Variants in PTPRG observed in about 807,000 individuals in gnomAD.
PTPRG encodes the protein receptor-type tyrosine-protein phosphatase gamma.
In PTPRG, 102 loss-of-function variants were observed where a neutral mutation model predicts 165.3. The observed-to-expected ratio is 0.62, with a 90% confidence interval of 0.53 to 0.73. The LOEUF (loss-of-function observed/expected upper bound fraction) is 0.73. Among genes scored for constraint, PTPRG ranks in the 30% least tolerant of loss-of-function variants. PTPRG has a pLI of 0.00. For missense variants in PTPRG, 1,866 were observed against 1,861.4 expected (o/e 1.00, Z -0.05); for synonymous variants, 675 against 669.5 (o/e 1.01, Z -0.13).
intron 1 of PTPRG, among the ~76,000 whole-genome samples, chr3:61,645,831 T>A (rs1249570260): frequency 6.6e-6 from 1 of 152,210 alleles, no homozygotes; most frequent in African/African-American, 2.4e-5. Flanking sequence ...TGACTGTAGT[T>A]TGCCAATACC....
chr3:62,169,098 T>A (rs1254798085), intron 8 of PTPRG, among the ~76,000 whole-genome samples: 2 of 152,162 alleles, frequency 1.3e-5, no homozygotes. Context: ...GCCTGGGGTC[T>A]GGGGTTTATA....
At chr3:62,218,226 C>T (rs142960617) in intron 12 of PTPRG, among the ~76,000 whole-genome samples, 165 of 152,208 alleles carry the variant, frequency 1.1e-3, no homozygotes, top group African/African-American at 3.8e-3. Context: ...AGTGCTAAAT[C>T]GTTGACCAGA....
intron 6 of PTPRG, among the ~76,000 whole-genome samples, chr3:62,137,353 T>G (rs1278161613): frequency 6.6e-6 from 1 of 152,160 alleles, no homozygotes; most frequent in Non-Finnish European, 1.5e-5. Flanking sequence ...AAATCCTGTT[T>G]GTGAATCGGT....
intron 2 of PTPRG, among the ~76,000 whole-genome samples, chr3:61,916,033 A>G (rs1185098428): frequency 6.6e-6 from 1 of 152,230 alleles, no homozygotes; most frequent in Non-Finnish European, 1.5e-5. Flanking sequence ...TCTTATGCAT[A>G]AAAATATACA....
intron 2 of PTPRG, among the ~76,000 whole-genome samples, chr3:61,980,829 C>T (rs781737610): frequency 6.6e-6 from 1 of 152,182 alleles, no homozygotes; most frequent in African/African-American, 2.4e-5. Flanking sequence ...TGGCCTTCAG[C>T]TGCTTCCCTC....
chr3:61,641,097 G>C (rs748664230), intron 1 of PTPRG, among the ~76,000 whole-genome samples: 2 of 152,150 alleles, frequency 1.3e-5, no homozygotes, highest in Non-Finnish European at 2.9e-5. Context: ...TCTGAAGCTT[G>C]ACTCTTTGAT....
chr3:62,288,260 GAATTAAAAGCA>G (rs1702747130), intron 28 of PTPRG, among the ~76,000 whole-genome samples: 1 of 151,648 alleles, frequency 6.6e-6, no homozygotes. Context: ...AAAGTACAAG[GAATTAAAAGCA>G]AATAGAAGGC....
At chr3:62,014,569 C>T (rs1398144219) in intron 4 of PTPRG, among the ~76,000 whole-genome samples, 1 of 152,184 alleles carries the variant, frequency 6.6e-6, no homozygotes, top group Admixed American at 6.5e-5. Flanking sequence ...CTGTTCATTT[C>T]TAAAATTCAG....
intron 4 of PTPRG, among the ~76,000 whole-genome samples, chr3:62,075,020 C>A (rs1168359034): frequency 6.6e-6 from 1 of 152,138 alleles, no homozygotes; most frequent in Non-Finnish European, 1.5e-5. Flanking sequence ...ATTTGTTAGG[C>A]TACAACTTGA....
intron 2 of PTPRG, among the ~76,000 whole-genome samples, chr3:61,963,757 A>C (rs986076564): frequency 6.6e-6 from 1 of 152,306 alleles, no homozygotes; most frequent in African/African-American, 2.4e-5. Flanking sequence ...AAATGAACAT[A>C]TTCATGACAA....
intron 1 of PTPRG, among the ~76,000 whole-genome samples, chr3:61,699,019 G>C (rs182118120): frequency 8.0e-4 from 121 of 152,084 alleles, no homozygotes; most frequent in African/African-American, 2.7e-3. Flanking sequence ...AGGGACTGCT[G>C]TGGGGTGGGG....
At chr3:62,272,889 C>T in intron 21 of PTPRG, 57 bp from the exon 22 acceptor site, 1 of 1,443,528 alleles carries the variant, frequency 6.9e-7, no homozygotes, top group South Asian at 1.6e-5. Flanking sequence ...TTTTCGAATC[C>T]AAAGTTAACA....
At position 62,224,268 on chromosome 3, in the gene PTPRG, C is replaced by G. The variant is rs999025953; in HGVS notation, c.2288+5285C>G. Among the ~76,000 whole-genome samples the G allele has an allele frequency of 6.6e-6, 1 of 152,196 alleles. No individual in the cohort carries two copies. The highest frequency in any genetic ancestry group is 2.4e-5 in the African/African-American group (1 of 41,434). On this transcript the variant is annotated intron_variant, in intron 13 of 29. Coordinates refer to ENST00000474889, the MANE Select transcript of PTPRG (RefSeq NM_002841.4). The surrounding 1 kb of genome is among the most constrained non-coding windows in gnomAD (Gnocchi z 4.9). Reference sequence around the variant, plus strand: ...TAAGCTTCATTGATGTTGCAGCAGACACACCCTAGAACCCCAGTGGCTTAA... The same window carrying G: ...TAAGCTTCATTGATGTTGCAGCAGAGACACCCTAGAACCCCAGTGGCTTAA...
intron 16 of PTPRG, among the ~76,000 whole-genome samples, chr3:62,259,485 G>A (rs1406255809): frequency 1.3e-5 from 2 of 152,160 alleles, no homozygotes; most frequent in Non-Finnish European, 2.9e-5. Context: ...ATCCTGGGCC[G>A]CCTGTGGCCT....
At chr3:61,883,487 T>G (rs1158649521) in intron 2 of PTPRG, among the ~76,000 whole-genome samples, 1 of 152,134 alleles carries the variant, frequency 6.6e-6, no homozygotes, top group African/African-American at 2.4e-5. Context: ...GTAAGAGTCC[T>G]TATTTAGTAA....
intron 1 of PTPRG, among the ~76,000 whole-genome samples, chr3:61,725,095 C>T (rs1258126974): frequency 3.9e-5 from 6 of 152,106 alleles, no homozygotes; most frequent in Admixed American, 2.0e-4. Flanking sequence ...TTACCACTTA[C>T]GAGTTTCATA....
intron 14 of PTPRG, among the ~76,000 whole-genome samples, chr3:62,238,992 C>T (rs1194417139): frequency 1.3e-5 from 2 of 152,144 alleles, no homozygotes; most frequent in East Asian, 1.9e-4. Flanking sequence ...GCACAGACAG[C>T]ACCCAGGCGT....
intron 16 of PTPRG, chr3:62,262,525 T>C (rs1302549593): frequency 3.3e-6 from 1 of 305,850 alleles, no homozygotes; most frequent in African/African-American, 2.2e-5. Flanking sequence ...TATGATGTAT[T>C]CAAAAAGAGA....
intron 15 of PTPRG, among the ~76,000 whole-genome samples, chr3:62,250,432 GC>G (rs1701385763): frequency 1.3e-5 from 2 of 152,170 alleles, no homozygotes; most frequent in South Asian, 4.1e-4. Context: ...CCTCTGTGCA[GC>G]TCCTCCCTGT....
Sources: allele counts gnomAD v4.1 joint callset (sites outside exome capture counted in the v4.1 genomes callset), GRCh38; gene constraint gnomAD v4.1.1; non-coding constraint Gnocchi (gnomAD v3.1); transcripts MANE v1.5; gene names NCBI Gene and HGNC (gene_info 2026-07-23, HGNC 2026-07-21).